The following TRIO variants were observed in gnomAD, a reference collection of about 807,000 sequenced individuals.
The protein encoded by TRIO is trio Rho guanine nucleotide exchange factor.
Under a neutral mutation model 351.9 loss-of-function variants are expected in TRIO, and 58 were observed. The ratio of observed to expected loss-of-function variants is 0.16; its 90% CI spans 0.13 to 0.21. The LOEUF (loss-of-function observed/expected upper bound fraction) is 0.21. TRIO is among the 10% of genes least tolerant of loss of function. TRIO has a pLI of 1.00. For missense variants in TRIO, 3,201 were observed against 4,027.8 expected, an observed-to-expected ratio of 0.79 and a Z score of 5.56; for synonymous variants, 1,758 against 1,595.7, an observed-to-expected ratio of 1.10 and a Z score of -2.42.
At chr5:14,221,669 G>A (rs961549425) in intron 1 of TRIO, among the ~76,000 whole-genome samples, 7 of 152,262 alleles carry the variant, frequency 4.6e-5, no homozygotes, top group Non-Finnish European at 7.3e-5. Flanking sequence ...TACAAGTGGA[G>A]CCTGAAGATG....
At chr5:14,243,249 C>G (rs571359259) in intron 1 of TRIO, among the ~76,000 whole-genome samples, 43 of 152,190 alleles carry the variant, frequency 2.8e-4, no homozygotes, top group African/African-American at 9.6e-4. Flanking sequence ...GTTACTCCCC[C>G]CTCCCTCTCC....
intron 1 of TRIO, among the ~76,000 whole-genome samples, chr5:14,189,178 G>A (rs1790312407): frequency 1.3e-5 from 2 of 152,158 alleles, no homozygotes; most frequent in South Asian, 2.1e-4. Flanking sequence ...TTGTAAAAAT[G>A]TATCTATATG....
intron 34 of TRIO, among the ~76,000 whole-genome samples, chr5:14,451,027 G>C (rs1361223304): frequency 6.6e-6 from 1 of 152,224 alleles, no homozygotes; most frequent in Non-Finnish European, 1.5e-5. Flanking sequence ...CTCACAAATA[G>C]AATATAGATT....
chr5:14,358,071 C>T (rs1743795959), intron 11 of TRIO, 107 bp from the exon 12 acceptor site: 2 of 1,383,776 alleles, frequency 1.4e-6, no homozygotes, highest in Non-Finnish European at 1.9e-6. Flanking sequence ...CAGTCCCCTC[C>T]CAGGGCAAGT....
chr5:14,336,163 C>T (rs918515022), intron 10 of TRIO, among the ~76,000 whole-genome samples: 1 of 152,114 alleles, frequency 6.6e-6, no homozygotes, highest in African/African-American at 2.4e-5. Flanking sequence ...GAACTCTCTG[C>T]TTGGTGATAA....
At chr5:14,289,309 CG>C (rs1296939362) in intron 4 of TRIO, among the ~76,000 whole-genome samples, 1 of 151,154 alleles carries the variant, frequency 6.6e-6, no homozygotes, top group East Asian at 2.0e-4. Flanking sequence ...CACTTGAAAT[CG>C]GAAGGTGTAG....
intron 35 of TRIO, among the ~76,000 whole-genome samples, chr5:14,462,440 T>C (rs747559878): frequency 6.6e-6 from 1 of 152,190 alleles, no homozygotes; most frequent in Non-Finnish European, 1.5e-5. Flanking sequence ...AACATGAGGG[T>C]TGTAGCTCAA....
chr5:14,211,966 A>AG (rs398050334), intron 1 of TRIO, among the ~76,000 whole-genome samples: 1 of 149,630 alleles, frequency 6.7e-6, no homozygotes, highest in East Asian at 2.0e-4. Context: ...AAAAAAACCA[A>AG]AAAAACAAAA....
At position 14,358,322 on chromosome 5, in the gene TRIO, G is replaced by A. The variant is rs1469532105; in HGVS notation, c.2191G>A (p.Gly731Arg). 1.2e-6 allele frequency: 2 copies of A among 1,614,184 alleles called. No individual in the cohort carries two copies. Among genetic ancestry groups the A allele is most frequent in the Admixed American group, 1.7e-5 (1 of 60,026 alleles). ...LQVTVNVIKE[G>R]EDLIQQLRDS... ...GGTGACTGTCAACGTGATCAAGGAA[G>A]GGGAGGACCTCATCCAGCAGCTCAG... Residue 731 changes from glycine (G) to arginine (R), a missense_variant, in exon 12 of 57, where the codon GGG (glycine) becomes AGG (arginine). This residue lies in a region of TRIO where 363 missense variants were observed against 553.5 expected (regional missense o/e 0.66). Transcript: ENST00000344204.
chr5:14,253,479 A>G (rs1040168163), intron 1 of TRIO, among the ~76,000 whole-genome samples: 1 of 152,114 alleles, frequency 6.6e-6, no homozygotes, highest in East Asian at 1.9e-4. Context: ...CCTCAGCCTG[A>G]GTAGCTGGGA....
At chr5:14,455,965 A>G (rs1362298953) in intron 34 of TRIO, among the ~76,000 whole-genome samples, 1 of 152,206 alleles carries the variant, frequency 6.6e-6, no homozygotes, top group Non-Finnish European at 1.5e-5. Context: ...AGCCCACCGC[A>G]GTGGGGCTTG....
At chr5:14,421,207 C>A (rs1376033082) in intron 34 of TRIO, among the ~76,000 whole-genome samples, 1 of 134,910 alleles carries the variant, frequency 7.4e-6, no homozygotes, top group Non-Finnish European at 1.5e-5. Flanking sequence ...TTCTTTTTTC[C>A]CTTATTTAAT....
Position 14,280,391 on chromosome 5 carries a change from A to G in TRIO, c.302A>G (p.Gln101Arg). 1 of 1,614,172 alleles carries G rather than the reference A, an allele frequency of 6.2e-7. No individual in the cohort carries two copies. The highest frequency in any genetic ancestry group is 8.5e-7 in the Non-Finnish European group (1 of 1,180,020). ...CGCAGCAATCATGACAGAATACGAC[A>G]GGAGGATCTCAGGAGACTCATTTCC... is the stretch of plus-strand genomic sequence containing the variant. ...PARSNHDRIRQEDLRRLISYL... is the reference protein window; with the variant it reads ...PARSNHDRIRREDLRRLISYL... The change falls in exon 3 of 57, where the codon CAG becomes CGG. Residue 101 changes from glutamine to arginine, a missense_variant. Gln to Arg is a conservative substitution (Grantham distance 43). Transcript: ENST00000344204.
At chr5:14,250,360 C>T (rs1167296340) in intron 1 of TRIO, among the ~76,000 whole-genome samples, 1 of 152,186 alleles carries the variant, frequency 6.6e-6, no homozygotes, top group East Asian at 1.9e-4. Context: ...CTCCCCCTGG[C>T]CAGGGCTGTC....
intron 11 of TRIO, among the ~76,000 whole-genome samples, chr5:14,349,301 T>A (rs1384752914): frequency 2.6e-5 from 4 of 151,936 alleles, no homozygotes; most frequent in African/African-American, 9.7e-5. Context: ...TGAGCATGTG[T>A]TTTTCCTGTG....
intron 9 of TRIO, among the ~76,000 whole-genome samples, chr5:14,326,724 GGATA>G (rs1740426374): frequency 6.6e-6 from 1 of 152,208 alleles, no homozygotes; most frequent in East Asian, 1.9e-4. Flanking sequence ...TGGCTGGACT[GGATA>G]GATAAAGGCC....
At chr5:14,409,258 C>T (rs956515681) in intron 33 of TRIO, among the ~76,000 whole-genome samples, 1 of 151,850 alleles carries the variant, frequency 6.6e-6, no homozygotes, top group Non-Finnish European at 1.5e-5. Context: ...GAAATTAGCA[C>T]GACTTCACAT....
rs1045520883 is a variant in TRIO at position 14,244,359 on chromosome 5, G to A, written c.158-26466G>A. On this transcript the variant is annotated intron_variant, in intron 1 of 56. Transcript: ENST00000344204. ...TTTGGCATTGTCTGCTGTAAATGGG[G>A]CAAATATCATGGAAGAGGCTATCTT... Among the ~76,000 whole-genome samples the A allele has an allele frequency of 2.0e-5, 3 of 152,122 alleles. 1 individual carries two copies. Among genetic ancestry groups the A allele is most frequent in the African/African-American group, 2.4e-5 (1 of 41,406 alleles).
chr5:14,456,905 G>T (rs1753355036), intron 34 of TRIO, among the ~76,000 whole-genome samples: 1 of 152,156 alleles, frequency 6.6e-6, no homozygotes. Context: ...TAAGTTTAAA[G>T]ACTTTTAAAG....
Sources: gnomAD v4.1 joint callset for allele counts (sites outside exome capture counted in the v4.1 genomes callset) on GRCh38, gnomAD v4.1.1 for gene constraint, gnomAD v4.1.1 regional missense constraint, MANE v1.5 for transcripts, NCBI Gene and HGNC (gene_info 2026-07-23, HGNC 2026-07-21) for gene names.